The following RADX variants were observed in gnomAD, a reference collection of about 807,000 sequenced individuals.
The protein encoded by RADX is RPA1 related single stranded DNA binding protein, X-linked.
In RADX, 36 loss-of-function variants were observed where a neutral mutation model predicts 61.6. The observed-to-expected ratio is 0.58, with a 90% CI of 0.45 to 0.77. The LOEUF (loss-of-function observed/expected upper bound fraction) is 0.77, where lower values mean the gene tolerates loss of function less well. Ranked by LOEUF, RADX falls within the 30% of genes least tolerant of loss-of-function variation. The probability of loss-of-function intolerance (pLI) is 0.00; values close to 1 mark genes in which losing one functional copy is unlikely to be tolerated. For missense variants in RADX, 497 were observed against 651.1 expected (o/e 0.76, Z 2.58); for synonymous variants, 272 against 237.9 (o/e 1.14, Z -1.32).
At chrX:106,643,016 C>G (rs1233770103) in intron 10 of RADX, among the ~76,000 whole-genome samples, 1 of 110,579 alleles carries the variant, frequency 9.0e-6, no homozygotes, top group East Asian at 2.8e-4. Context: ...TGAATTTTAT[C>G]AAATTTTTTT....
Position 106,637,842 on chromosome X carries a change from A to G in RADX, c.1491A>G (p.Glu497=). 2.5e-6 allele frequency: 3 copies of G among 1,206,113 alleles called. No homozygotes were observed. Among genetic ancestry groups the G allele is most frequent in the Non-Finnish European group, 3.4e-6 (3 of 890,492 alleles). Residue 497 remains glutamate (E), a synonymous_variant, in exon 8 of 14, where the codon GAA becomes GAG. Coordinates refer to ENST00000372548, the MANE Select transcript of RADX (RefSeq NM_018015.6). ...TTAGAACAAAGTCTGATTCCGGGGA[A>G]CAGAAGAATATGGTTATTGGTGGAT... is the stretch of plus-strand genomic sequence containing the variant. The part of the protein sequence containing the change: ...QWIRTKSDSG[E]QKNMVIGGYY...
chrX:106,630,961 A>G (rs1190216604), intron 3 of RADX, among the ~76,000 whole-genome samples: 5 of 112,354 alleles, frequency 4.5e-5, no homozygotes, highest in African/African-American at 1.6e-4. Flanking sequence ...CAAAGCTACA[A>G]AAGAAGTCAA....
intron 3 of RADX, among the ~76,000 whole-genome samples, chrX:106,629,781 G>T (rs1290511863): frequency 2.7e-5 from 3 of 110,760 alleles, no homozygotes. Flanking sequence ...CATATATATA[G>T]ATATTCTGAA....
intron 1 of RADX, among the ~76,000 whole-genome samples, chrX:106,616,920 T>C (rs957800039): frequency 4.5e-5 from 5 of 110,786 alleles, no homozygotes; most frequent in Non-Finnish European, 1.9e-5. Context: ...TCTCTGCCAT[T>C]TCAAGTGATA....
At chrX:106,644,649 T>C (rs113800986) in intron 10 of RADX, among the ~76,000 whole-genome samples, 12,132 of 110,951 alleles carry the variant, frequency 0.11, 1,632 homozygotes, top group African/African-American at 0.38. Flanking sequence ...CATTCTAATA[T>C]ATTGTTGAAT....
intron 3 of RADX, among the ~76,000 whole-genome samples, chrX:106,627,604 T>G (rs1320692254): frequency 9.0e-6 from 1 of 111,185 alleles, no homozygotes; most frequent in East Asian, 2.8e-4. Context: ...GATCAACATC[T>G]TGTTTTTCCC....
chrX:106,627,790 A>G (rs1222312058), intron 3 of RADX, among the ~76,000 whole-genome samples: 2 of 112,234 alleles, frequency 1.8e-5, no homozygotes, highest in African/African-American at 6.5e-5. Flanking sequence ...CTGATCCCAT[A>G]GAAACAGAGT....
At chrX:106,674,607 T>G (rs1928456597) in intron 13 of RADX, among the ~76,000 whole-genome samples, 1 of 112,340 alleles carries the variant, frequency 8.9e-6, no homozygotes, top group Non-Finnish European at 1.9e-5. Flanking sequence ...ATGTCTTCTT[T>G]GGAGAAATAT....
rs1195756826 is a variant in RADX, at chrX:106,625,248, C to T, written c.945C>T (p.Pro315=). The part of the protein sequence containing the change: ...KSYPFRIQPV[P]VDPQIKLIST... ...ATCCATTCAGAATACAGCCTGTCCCCGTGGATCCACAGATCAAACTAATTT... is the reference window on the plus strand; with the variant it reads ...ATCCATTCAGAATACAGCCTGTCCCTGTGGATCCACAGATCAAACTAATTT... Residue 315 remains proline (P), a synonymous_variant, in exon 3 of 14, where the codon CCC becomes CCT. Coordinates refer to ENST00000372548, the MANE Select transcript of RADX (RefSeq NM_018015.6). The T allele has an allele frequency of 3.4e-5, 40 of 1,185,435 alleles. No homozygotes were observed. Among genetic ancestry groups the T allele is most frequent in the Middle Eastern group, 2.4e-4 (1 of 4,247 alleles).
chrX:106,641,644 C>G (rs1927516489), intron 10 of RADX, among the ~76,000 whole-genome samples: 1 of 111,148 alleles, frequency 9.0e-6, no homozygotes, highest in South Asian at 3.9e-4. Flanking sequence ...GAATTATTCT[C>G]TTCGCCACAG....
At chrX:106,614,655 C>T (rs6616609) in intron 1 of RADX, among the ~76,000 whole-genome samples, 17,550 of 110,857 alleles carry the variant, frequency 0.16, 1,443 homozygotes, top group East Asian at 0.54. Flanking sequence ...CCCATTTCCC[C>T]ATATCTTACT....
At position 106,632,951 on chromosome X, in the gene RADX, C is replaced by A; in HGVS notation, c.1108C>A (p.Pro370Thr). Residue 370 changes from proline to threonine, a missense_variant, in exon 5 of 14, where the codon CCA becomes ACA. By Grantham distance (38) the Pro-to-Thr change is conservative. Coordinates refer to ENST00000372548, the MANE Select transcript of RADX (RefSeq NM_018015.6). ...FTTRSELDDM[P>T]ENCICDVIGL... ...TTTTAGGTCAGAACTGGATGATATGCCAGAAAATTGCATCTGTGATGTTAT... is the reference window on the plus strand; with the variant it reads ...TTTTAGGTCAGAACTGGATGATATGACAGAAAATTGCATCTGTGATGTTAT... The A allele has an allele frequency of 1.7e-6, 2 of 1,207,501 alleles. No homozygotes were observed. The highest frequency in any genetic ancestry group is 2.2e-6 in the Non-Finnish European group (2 of 892,289).
chrX:106,612,032 C>A lies in RADX; in HGVS notation c.-49C>A, dbSNP rs767055801. Reference sequence around the variant, plus strand: ...CGGTTTTATTTCTCTCCGCTTTGGACGGGGCAAACTAGCTTTTGGGAGTGA... The same window carrying A: ...CGGTTTTATTTCTCTCCGCTTTGGAAGGGGCAAACTAGCTTTTGGGAGTGA... On this transcript the variant is annotated 5_prime_UTR_variant, in exon 1 of 14. Coordinates refer to ENST00000372548, the MANE Select transcript of RADX (RefSeq NM_018015.6). The A allele has an allele frequency of 2.6e-6, 3 of 1,155,335 alleles. No homozygotes were observed. The highest frequency in any genetic ancestry group is 3.5e-6 in the Non-Finnish European group (3 of 864,740).
intron 2 of RADX, 55 bp from the exon 3 acceptor site, chrX:106,625,035 T>C (rs1179758757): frequency 2.5e-6 from 2 of 799,274 alleles, no homozygotes; most frequent in African/African-American, 2.1e-5. Context: ...CTATATATTA[T>C]CTGTACAGAT....
chrX:106,627,061 C>G (rs753755607), intron 3 of RADX, among the ~76,000 whole-genome samples: 1 of 112,193 alleles, frequency 8.9e-6, no homozygotes, highest in East Asian at 2.8e-4. Context: ...AACTTGCAGC[C>G]ATCTGCAGCC....
chrX:106,633,313 G>T, intron 6 of RADX, 61 bp downstream of exon 6: 1 of 1,016,887 alleles, frequency 9.8e-7, no homozygotes, highest in Admixed American at 2.5e-5. Flanking sequence ...CTTTAAAAAT[G>T]TAGAGTAAAC....
chrX:106,632,020 G>A (rs781113711), intron 3 of RADX, among the ~76,000 whole-genome samples: 2 of 111,297 alleles, frequency 1.8e-5, no homozygotes, highest in African/African-American at 3.3e-5. Context: ...ACATAATCCA[G>A]CATTTTTGCA....
intron 1 of RADX, among the ~76,000 whole-genome samples, chrX:106,620,279 C>CA (rs966207439): frequency 9.0e-5 from 10 of 110,744 alleles, no homozygotes; most frequent in East Asian, 2.8e-4. Context: ...AGTCATTTTT[C>CA]AAAAAAAATG....
intron 1 of RADX, 83 bp downstream of exon 1, chrX:106,612,806 G>A: frequency 2.0e-6 from 2 of 983,792 alleles, no homozygotes; most frequent in South Asian, 4.9e-5. Flanking sequence ...AAATGAAAAT[G>A]CTTTTGTATT....
Sources: allele counts gnomAD v4.1 joint callset (sites outside exome capture counted in the v4.1 genomes callset), GRCh38; gene constraint gnomAD v4.1.1; transcripts MANE v1.5; gene names NCBI Gene and HGNC (gene_info 2026-07-23, HGNC 2026-07-21).